NRAS: variants seen among roughly 807,000 people sequenced by gnomAD.
NRAS encodes NRAS proto-oncogene, GTPase, also known as GTPase NRas.
Under a neutral mutation model 21.3 loss-of-function variants are expected in NRAS, and 6 were observed. The ratio of observed to expected loss-of-function variants is 0.28; its 90% CI spans 0.15 to 0.56. NRAS has a LOEUF of 0.56. Ranked by LOEUF, NRAS falls within the 20% of genes least tolerant of loss-of-function variation. The pLI, the probability that NRAS is intolerant of heterozygous loss-of-function variation, is 0.93. For missense variants in NRAS, 143 were observed against 231.3 expected (o/e 0.62, Z 2.48); for synonymous variants, 84 against 82.0 (o/e 1.02, Z -0.13).
chr1:114,709,438 AAAAAT>A (rs1286183331), intron 4 of NRAS, 126 bp downstream of exon 4: 24 of 800,936 alleles, frequency 3.0e-5, no homozygotes, highest in Middle Eastern at 3.5e-4. Context: ...CTGCCTAAAA[AAAAAT>A]AAAAAATAAA....
chr1:114,715,904 C>T, intron 2 of NRAS, 146 bp downstream of exon 2: 5 of 697,334 alleles, frequency 7.2e-6, no homozygotes, highest in Non-Finnish European at 1.3e-5. Context: ...TCTCTATAAA[C>T]ACGTTAAGCT....
At position 114,716,125 on chromosome 1, in the gene NRAS, A is replaced by C. The variant is rs759764705; in HGVS notation, c.36T>G (p.Gly12=). ...TEYKLVVVGA[G]GVGKSALTIQ... ...TTGTCAGTGCGCTTTTCCCAACACC[A>C]CCTGCTCCAACCACCACCAGTTTGT... The change falls in exon 2 of 7, where the codon GGT becomes GGG. Residue 12 remains glycine, a synonymous_variant. Transcript: ENST00000369535. The C allele has an allele frequency of 5.1e-5, 83 of 1,613,784 alleles. No individual in the cohort carries two copies. The highest frequency in any genetic ancestry group is 3.3e-5 in the Admixed American group (2 of 59,988).
Position 114,707,598 on chromosome 1 carries a change from C to G in NRAS, c.*496G>C, listed in dbSNP as rs1658945824. 1 of 152,544 alleles carries G rather than the reference C, an allele frequency of 6.6e-6. No homozygotes were observed. The highest frequency in any genetic ancestry group is 2.4e-5 in the African/African-American group (1 of 41,428). The allele number at this position is 152,544 out of a possible 1,614,324, so 9.4% of individuals were successfully genotyped here. A position where few individuals can be genotyped will look rare whatever the true frequency, so the allele number is the denominator to read the frequency against. Reference sequence around the variant, plus strand: ...CCGATAACATTATAAACAAACCAAACAGCAATAATAACTATATTCTTGGCA... The same window carrying G: ...CCGATAACATTATAAACAAACCAAAGAGCAATAATAACTATATTCTTGGCA... On this transcript the variant is annotated 3_prime_UTR_variant, in exon 7 of 7. Transcript: ENST00000369535.
In NRAS at chr1:114,706,850, A is replaced by G. The variant is rs1658930926; in HGVS notation, c.*1244T>C. 6.6e-6 allele frequency: 1 copy of G among 152,236 alleles called. No individual in the cohort carries two copies. Among genetic ancestry groups the G allele is most frequent in the Admixed American group, 6.5e-5 (1 of 15,282 alleles). 9.4% of individuals were successfully genotyped at this position (152,236 alleles called of 1,614,324 possible). A position where few individuals can be genotyped will look rare whatever the true frequency, so the allele number is the denominator to read the frequency against. The stretch of plus-strand genomic sequence containing the variant: ...GTCCATTAGCACCATGCTTTACTCA[A>G]CTGAAATAATCAAGCCCCTATTGCT... On this transcript the variant is annotated 3_prime_UTR_variant, in exon 7 of 7. Coordinates refer to ENST00000369535, the MANE Select transcript of NRAS (RefSeq NM_002524.5).
At chr1:114,710,036 C>T (rs910864439) in intron 3 of NRAS, among the ~76,000 whole-genome samples, 2 of 151,322 alleles carry the variant, frequency 1.3e-5, no homozygotes, top group African/African-American at 4.9e-5. Flanking sequence ...ACTAAAAATA[C>T]AAAAATTAGC....
At chr1:114,714,409 A>C (rs961920075) in intron 2 of NRAS, among the ~76,000 whole-genome samples, 1 of 152,130 alleles carries the variant, frequency 6.6e-6, no homozygotes, top group East Asian at 1.9e-4. Context: ...CCCTATATAC[A>C]TCATTTGTGT....
intron 6 of NRAS, 41 bp from the exon 7 acceptor site, chr1:114,708,091 G>A (rs1490013906): frequency 2.6e-5 from 5 of 194,518 alleles, no homozygotes; most frequent in African/African-American, 9.5e-5. Flanking sequence ...CACATTCAGA[G>A]TATAAGAAAA....
chr1:114,716,200 G>A (rs771224462), intron 1 of NRAS, 23 bp from the exon 2 acceptor site: 3 of 1,342,080 alleles, frequency 2.2e-6, no homozygotes, highest in East Asian at 2.3e-5. Context: ...AGTAATCAGG[G>A]TTAATTGGCG....
At chr1:114,714,001 G>A (rs2101742270) in intron 2 of NRAS, 23 bp from the exon 3 acceptor site, 1 of 1,345,552 alleles carries the variant, frequency 7.4e-7, no homozygotes, top group Non-Finnish European at 1.0e-6. Context: ...AGGGTAAGGG[G>A]GCAGGGAGGG....
At position 114,708,578 on chromosome 1, in the gene NRAS, TC is replaced by T. The variant is rs1224664002; in HGVS notation, c.526del (p.Asp176MetfsTer13). On this transcript the variant is annotated frameshift_variant, in exon 5 of 7. Transcript: ENST00000369535. LOFTEE classifies it high-confidence loss of function. ...YRMKKLNSSD[D>X]GTQGCMGLPC... ...CAATCCCATACAACCCTGAGTCCCATCATCACTGCTGTTGAGTTTTTTCATT... is the reference window on the plus strand; with the variant it reads ...CAATCCCATACAACCCTGAGTCCCATATCACTGCTGTTGAGTTTTTTCATT... The T allele has an allele frequency of 6.2e-7, 1 of 1,613,212 alleles. No individual in the cohort carries two copies. Among genetic ancestry groups the T allele is most frequent in the Non-Finnish European group, 8.5e-7 (1 of 1,179,266 alleles).
rs886045097 is a variant in NRAS at position 114,704,702 on chromosome 1, A to C, written c.*3392T>G. The C allele has an allele frequency of 6.6e-6, 1 of 152,226 alleles. No individual in the cohort carries two copies. The highest frequency in any genetic ancestry group is 6.5e-5 in the Admixed American group (1 of 15,280). 9.4% of individuals were successfully genotyped at this position (152,226 alleles called of 1,614,324 possible). On this transcript the variant is annotated 3_prime_UTR_variant, in exon 7 of 7. Transcript: ENST00000369535. ...GGCACAAAAAAATAAAAGTCTTACA[A>C]CTTCCACGGACATCCTCCCCTCCCT... is the stretch of plus-strand genomic sequence containing the variant.
At chr1:114,708,237 A>T in intron 5 of NRAS, 45 bp from the exon 6 acceptor site, 1 of 388,454 alleles carries the variant, frequency 2.6e-6, no homozygotes, top group Non-Finnish European at 4.7e-6. Context: ...ACTAGTTTCA[A>T]AGTAGTGATC....
chr1:114,712,343 A>T (rs1416543949), intron 3 of NRAS, among the ~76,000 whole-genome samples: 2 of 152,138 alleles, frequency 1.3e-5, no homozygotes, highest in Non-Finnish European at 2.9e-5. Context: ...TGTTTATTTT[A>T]CCCTTATTTT....
rs1659106599 is a variant in NRAS, at chr1:114,714,105, T to C, written c.112-127A>G. 3 of 601,454 alleles carry C rather than the reference T, an allele frequency of 5.0e-6. No individual in the cohort carries two copies. In the South Asian group the frequency reaches 8.0e-5, roughly 16 times the overall value. The allele number at this position is 601,454 out of a possible 1,614,324, so 37.3% of individuals were successfully genotyped here. ...AACTATTCAAGCCCATTTCTGCCTA[T>C]CTGGTTTGTCCCTCAAATTGCTAAT... On this transcript the variant is annotated intron_variant, in intron 2 of 6. Coordinates refer to ENST00000369535, the MANE Select transcript of NRAS (RefSeq NM_002524.5).
At chr1:114,711,287 G>A (rs1343793775) in intron 3 of NRAS, among the ~76,000 whole-genome samples, 2 of 151,916 alleles carry the variant, frequency 1.3e-5, no homozygotes, top group African/African-American at 4.8e-5. Context: ...GGCAACAGAG[G>A]GAGACTCCAT....
Position 114,707,629 on chromosome 1 carries a change from G to T in NRAS, c.*465C>A, listed in dbSNP as rs1658946540. The T allele has an allele frequency of 6.6e-6, 1 of 152,430 alleles. No individual in the cohort carries two copies. Among genetic ancestry groups the T allele is most frequent in the African/African-American group, 2.4e-5 (1 of 41,386 alleles). The allele number at this position is 152,430 out of a possible 1,614,324, so 9.4% of individuals were successfully genotyped here. A position where few individuals can be genotyped will look rare whatever the true frequency, so the allele number is the denominator to read the frequency against. On this transcript the variant is annotated 3_prime_UTR_variant, in exon 7 of 7. Transcript: ENST00000369535. ...TAATAACTATATTCTTGGCAAAACA[G>T]TAATTTATGACATTTCTCCAAAAAT... is the stretch of plus-strand genomic sequence containing the variant.
intron 3 of NRAS, among the ~76,000 whole-genome samples, chr1:114,711,626 A>T (rs1659048213): frequency 6.6e-6 from 1 of 151,570 alleles, no homozygotes. Flanking sequence ...AAACAAACAA[A>T]CAAAAAAAAC....
At chr1:114,711,516 T>C (rs1281464671) in intron 3 of NRAS, among the ~76,000 whole-genome samples, 1 of 149,694 alleles carries the variant, frequency 6.7e-6, no homozygotes, top group Non-Finnish European at 1.5e-5. Flanking sequence ...CAGGAGAATC[T>C]CTCGAACCCG....
chr1:114,708,489 T>C, intron 5 of NRAS, 42 bp downstream of exon 5: 1 of 1,598,702 alleles, frequency 6.3e-7, no homozygotes, highest in East Asian at 2.2e-5. Flanking sequence ...CCCAATACTA[T>C]ATACTAAGAT....
Sources: allele counts gnomAD v4.1 joint callset (sites outside exome capture counted in the v4.1 genomes callset), GRCh38; gene constraint gnomAD v4.1.1; transcripts MANE v1.5; gene names NCBI Gene and HGNC (gene_info 2026-07-23, HGNC 2026-07-21).